Variants in DEFB121 observed in about 807,000 individuals in gnomAD.
The protein encoded by DEFB121 is defensin beta 121.
Under a neutral mutation model 2.5 loss-of-function variants are expected in DEFB121, and 5 were observed. The observed-to-expected ratio is 1.96, with a 90% CI of 1.03 to 4.13. The LOEUF (loss-of-function observed/expected upper bound fraction) is 4.13. Among genes scored for constraint, DEFB121 ranks in the 30% most tolerant of loss-of-function variants. The probability of loss-of-function intolerance (pLI) is 0.00; values close to 1 mark genes in which losing one functional copy is unlikely to be tolerated. For missense variants in DEFB121, 87 were observed against 85.0 expected (o/e 1.02, Z -0.09); for synonymous variants, 39 against 32.6 (o/e 1.20, Z -0.67).
At chr20:31,408,113 A>G (rs1275886087), upstream of DEFB121, among the ~76,000 whole-genome samples, 1 of 152,162 alleles carries the variant, frequency 6.6e-6, no homozygotes, top group Non-Finnish European at 1.5e-5. Flanking sequence ...AGAAATAAAG[A>G]CATACTAATA....
At chr20:31,407,051 T>A (rs1189643160), upstream of DEFB121, among the ~76,000 whole-genome samples, 1 of 151,954 alleles carries the variant, frequency 6.6e-6, no homozygotes, top group African/African-American at 2.4e-5. Context: ...ATCGAGACCA[T>A]CCTGGCTAAC....
At chr20:31,416,848 G>A (rs796350839), upstream of DEFB121, among the ~76,000 whole-genome samples, 25 of 151,972 alleles carry the variant, frequency 1.6e-4, no homozygotes, top group African/African-American at 6.0e-4. Flanking sequence ...TTTTTTCCTA[G>A]GCTTATTATC....
exon 1 of DEFB121, chr20:31,412,742 A>C: frequency 8.6e-7 from 1 of 1,159,216 alleles, no homozygotes; most frequent in South Asian, 1.3e-5. Context: ...GCAGTAGCTC[A>C]GAGATCTCTC....
At chr20:31,414,306 G>A (rs1316731848), upstream of DEFB121, among the ~76,000 whole-genome samples, 1 of 152,022 alleles carries the variant, frequency 6.6e-6, no homozygotes, top group Non-Finnish European at 1.5e-5. Flanking sequence ...AGGAAGGAAA[G>A]GAAGGAAAGA....
chr20:31,410,330 A>T (rs569068272), upstream of DEFB121, among the ~76,000 whole-genome samples: 1 of 152,252 alleles, frequency 6.6e-6, no homozygotes, highest in Non-Finnish European at 1.5e-5. Context: ...GAACATAAAG[A>T]GGGGAACCAT....
upstream of DEFB121, among the ~76,000 whole-genome samples, chr20:31,415,768 G>A (rs572926246): frequency 6.6e-6 from 1 of 152,280 alleles, no homozygotes; most frequent in East Asian, 1.9e-4. Flanking sequence ...ATAGGTTTCA[G>A]AGAAATGGTG....
rs577438419 is a variant in DEFB121, at chr20:31,405,999, G to A, written c.58+96C>T. 3 of 1,394,498 alleles carry A rather than the reference G, an allele frequency of 2.2e-6. No homozygotes were observed. The African/African-American group carries it at 4.3e-5, about 20-fold the overall frequency. The allele number at this position is 1,394,498 out of a possible 1,614,324, so 86.4% of individuals were successfully genotyped here. A position where few individuals can be genotyped will look rare whatever the true frequency, so the allele number is the denominator to read the frequency against. Reference sequence around the variant, plus strand: ...CTAAAGGCCTCAATGAGCTCTACCAGGCCATTCTCCCAGCCCAACCTGTCA... The same window carrying A: ...CTAAAGGCCTCAATGAGCTCTACCAAGCCATTCTCCCAGCCCAACCTGTCA... On this transcript the variant is annotated intron_variant, in intron 1 of 1. Coordinates refer to ENST00000376314, the MANE Select transcript of DEFB121 (RefSeq NM_001011878.3).
intron 1 of DEFB121, 110 bp downstream of exon 1, chr20:31,405,985 A>G: frequency 3.3e-6 from 4 of 1,221,682 alleles, no homozygotes; most frequent in Non-Finnish European, 3.5e-6. Flanking sequence ...TAAAGGCCTC[A>G]ATGAGCTCTA....
At chr20:31,407,529 G>C (rs1978521276), upstream of DEFB121, among the ~76,000 whole-genome samples, 1 of 152,170 alleles carries the variant, frequency 6.6e-6, no homozygotes, top group South Asian at 2.1e-4. Flanking sequence ...GTCCAAGGAG[G>C]ATGAGAGATA....
rs1326217077 is a variant in DEFB121, at chr20:31,412,573, G to A, written n.217+49C>T. 6.3e-6 allele frequency: 8 copies of A among 1,266,244 alleles called. No individual in the cohort carries two copies. In the African/African-American group the frequency reaches 1.1e-4, roughly 17 times the overall value. The allele number at this position is 1,266,244 out of a possible 1,614,324, so 78.4% of individuals were successfully genotyped here. A position where few individuals can be genotyped will look rare whatever the true frequency, so the allele number is the denominator to read the frequency against. On this transcript the variant is annotated intron_variant and non_coding_transcript_variant, in intron 1 of 1. Transcript: ENST00000376312. Reference sequence around the variant, plus strand: ...TCAGGGAATAGTGCCTGGCATAGAGGAAAGCCTCTGACAACTGGTAGTTAC... The same window carrying A: ...TCAGGGAATAGTGCCTGGCATAGAGAAAAGCCTCTGACAACTGGTAGTTAC...
upstream of DEFB121, among the ~76,000 whole-genome samples, chr20:31,417,768 G>A (rs1358569956): frequency 6.6e-6 from 1 of 151,906 alleles, no homozygotes; most frequent in African/African-American, 2.4e-5. Context: ...TTTGAGACCA[G>A]CCTGGCCAAC....
At chr20:31,412,272 A>T (rs1007818712) in intron 1 of DEFB121, among the ~76,000 whole-genome samples, 18 of 152,216 alleles carry the variant, frequency 1.2e-4, no homozygotes, top group African/African-American at 4.3e-4. Context: ...TGTAACTAGT[A>T]ATGGTAATGG....
chr20:31,406,233 C>T, upstream of DEFB121: 1 of 1,589,316 alleles, frequency 6.3e-7, no homozygotes, highest in Non-Finnish European at 8.6e-7. Context: ...GCAGTCCAGA[C>T]TGGTATTTAT....
At chr20:31,416,719 C>G (rs907354362), upstream of DEFB121, among the ~76,000 whole-genome samples, 1 of 152,178 alleles carries the variant, frequency 6.6e-6, no homozygotes, top group Non-Finnish European at 1.5e-5. Context: ...CAGAATTTAC[C>G]TTTCTGTAAC....
At chr20:31,405,186 T>A in intron 1 of DEFB121, 101 bp from the exon 2 acceptor site, 1 of 1,166,142 alleles carries the variant, frequency 8.6e-7, no homozygotes, top group Non-Finnish European at 1.2e-6. Flanking sequence ...AGGAGGGAAA[T>A]GAGGAGGTCT....
chr20:31,412,712 T>A, exon 1 of DEFB121: 1 of 1,273,872 alleles, frequency 7.9e-7, no homozygotes, highest in Non-Finnish European at 1.0e-6. Flanking sequence ...CAACGCTCAA[T>A]ACAAGGGACA....
At chr20:31,407,174 C>G (rs1009767680), upstream of DEFB121, among the ~76,000 whole-genome samples, 1 of 149,368 alleles carries the variant, frequency 6.7e-6, no homozygotes, top group Non-Finnish European at 1.5e-5. Flanking sequence ...AGCTTGAATC[C>G]GGGAGGCGGA....
upstream of DEFB121, among the ~76,000 whole-genome samples, chr20:31,408,220 G>A (rs1978548623): frequency 6.6e-6 from 1 of 152,172 alleles, no homozygotes; most frequent in Non-Finnish European, 1.5e-5. Context: ...AAGGCAGGAG[G>A]ATTGCTTGAA....
rs755658400 is a variant in DEFB121 at position 31,404,921 on chromosome 20, C to T, written c.223G>A (p.Ala75Thr). Residue 75 changes from alanine to threonine, a missense_variant, in exon 2 of 2, where the codon GCA becomes ACA. By Grantham distance (58) the Ala-to-Thr change is moderately conservative (BLOSUM62 0). Coordinates refer to ENST00000376314, the MANE Select transcript of DEFB121 (RefSeq NM_001011878.3). ...DTNTSLESTS[A>T]V Reference sequence around the variant, plus strand: ...AGGTTGGAAGAGAGGTGTCAGACTGCAGAAGTTGATTCCAGGCTTGTATTT... The same window carrying T: ...AGGTTGGAAGAGAGGTGTCAGACTGTAGAAGTTGATTCCAGGCTTGTATTT... 14 of 1,613,770 alleles carry T rather than the reference C, an allele frequency of 8.7e-6. No individual in the cohort carries two copies. The highest frequency in any genetic ancestry group is 1.2e-5 in the Non-Finnish European group (14 of 1,179,988).
Sources: gnomAD v4.1 joint callset for allele counts (sites outside exome capture counted in the v4.1 genomes callset) on GRCh38, gnomAD v4.1.1 for gene constraint, MANE v1.5 for transcripts, NCBI Gene and HGNC (gene_info 2026-07-23, HGNC 2026-07-21) for gene names.